Variants in ARFGEF3 observed in about 807,000 individuals in gnomAD.
ARFGEF3 encodes the protein ARFGEF family member 3, also known as brefeldin A-inhibited guanine nucleotide-exchange protein 3.
A neutral mutation model predicts 221.7 loss-of-function variants in ARFGEF3; 96 were observed. The observed-to-expected ratio is 0.43, with a 90% CI of 0.37 to 0.51. The LOEUF (loss-of-function observed/expected upper bound fraction) is 0.51. ARFGEF3 is among the 20% of genes least tolerant of loss of function. The pLI, the probability that ARFGEF3 is intolerant of heterozygous loss-of-function variation, is 0.00. For missense variants in ARFGEF3, 2,410 were observed against 2,789.9 expected (o/e 0.86, Z 3.07); for synonymous variants, 1,145 against 1,126.8 (o/e 1.02, Z -0.32).
chr6:138,266,334 G>A (rs1045095972), intron 12 of ARFGEF3, among the ~76,000 whole-genome samples: 17 of 151,838 alleles, frequency 1.1e-4, no homozygotes, highest in African/African-American at 4.1e-4. Context: ...AGAGAAAGAA[G>A]GGAAGGCAGA....
chr6:138,336,602 G>C lies in ARFGEF3; in HGVS notation c.*116G>C. The stretch of plus-strand genomic sequence containing the variant: ...CACTTAAACTACTACTACTGTCTCA[G>C]AGAACAGTGTTTCCTAATGTAAAAA... On this transcript the variant is annotated 3_prime_UTR_variant, in exon 34 of 34. Transcript: ENST00000251691. 1 of 801,344 alleles carries C rather than the reference G, an allele frequency of 1.2e-6. No individual in the cohort carries two copies. Among genetic ancestry groups the C allele is most frequent in the Non-Finnish European group, 1.9e-6 (1 of 526,502 alleles). 49.6% of individuals were successfully genotyped at this position (801,344 alleles called of 1,614,324 possible).
chr6:138,324,150 A>G lies in ARFGEF3; in HGVS notation c.4997A>G (p.Gln1666Arg), dbSNP rs1214301335. ...AEYWRIRAMA[Q>R]QVFMLDTQCS... ...TACTGGCGCATCCGAGCCATGGCCC[A>G]GCAGGTAAGGGCAGGGGCTTTTGAT... Residue 1666 changes from glutamine to arginine, a missense_variant, in exon 31 of 34, where the codon CAG (glutamine) becomes CGG (arginine). Physicochemically the swap from Gln to Arg is conservative, Grantham distance 43. Transcript: ENST00000251691. 4.3e-6 allele frequency: 7 copies of G among 1,613,222 alleles called. No individual in the cohort carries two copies. The highest frequency in any genetic ancestry group is 5.9e-6 in the Non-Finnish European group (7 of 1,179,534).
intron 12 of ARFGEF3, among the ~76,000 whole-genome samples, chr6:138,268,949 G>A (rs1778945102): frequency 6.6e-6 from 1 of 152,220 alleles, no homozygotes; most frequent in African/African-American, 2.4e-5. Context: ...CCCTCAGCCT[G>A]CCTAGCAGGG....
Position 138,194,989 on chromosome 6 carries a change from A to ATTTTTTTTTTTTTTTTT in ARFGEF3, c.138-12038_138-12022dup, listed in dbSNP as rs747099029. On this transcript the variant is annotated intron_variant, in intron 2 of 33. Coordinates refer to ENST00000251691, the MANE Select transcript of ARFGEF3 (RefSeq NM_020340.5). ...TCAAACTAACTTCACCTTTTCCCTA[A>ATTTTTTTTTTTTTTTTT]TTTTTTTTTTTTTTTTTTTTTTTTT... Among the ~76,000 whole-genome samples the ATTTTTTTTTTTTTTTTT allele has an allele frequency of 1.3e-4, 11 of 84,130 alleles. 2 individuals are homozygous for ATTTTTTTTTTTTTTTTT. Among genetic ancestry groups the ATTTTTTTTTTTTTTTTT allele is most frequent in the Non-Finnish European group, 1.5e-4 (7 of 46,522 alleles). The allele number at this position is 84,130 out of a possible 152,430, so 55.2% of individuals were successfully genotyped here.
At position 138,334,824 on chromosome 6, in the gene ARFGEF3, A is replaced by T. The variant is rs759971641; in HGVS notation, c.5978A>T (p.Lys1993Ile). 1.9e-6 allele frequency: 3 copies of T among 1,601,224 alleles called. No homozygotes were observed. The highest frequency in any genetic ancestry group is 1.7e-5 in the Admixed American group (1 of 57,854). ...GGDLLLPPSP[K>I]VEKKDPSRKK... ...GACCTGCTGCTGCCCCCCAGCCCCA[A>T]AGTGGAGAAGAAGGATCCCAGCCGG... is the stretch of plus-strand genomic sequence containing the variant. Residue 1993 changes from lysine to isoleucine, a missense_variant, in exon 33 of 34, where the codon AAA (lysine) becomes ATA (isoleucine). Coordinates refer to ENST00000251691, the MANE Select transcript of ARFGEF3 (RefSeq NM_020340.5). This position sits in a 1 kb window ranked among gnomAD's most constrained non-coding sequence, Gnocchi z 5.1.
chr6:138,271,033 G>A (rs1243612184), intron 12 of ARFGEF3, among the ~76,000 whole-genome samples: 1 of 152,182 alleles, frequency 6.6e-6, no homozygotes, highest in Non-Finnish European at 1.5e-5. Flanking sequence ...TTCAAGGATG[G>A]GTGGAAGATT....
intron 2 of ARFGEF3, among the ~76,000 whole-genome samples, chr6:138,205,820 T>A (rs957676230): frequency 6.6e-6 from 1 of 152,250 alleles, no homozygotes; most frequent in Non-Finnish European, 1.5e-5. Context: ...CCTGATGGTC[T>A]GTTTTTGTAG....
chr6:138,206,271 T>G (rs974211050), intron 2 of ARFGEF3, among the ~76,000 whole-genome samples: 1 of 152,164 alleles, frequency 6.6e-6, no homozygotes, highest in Non-Finnish European at 1.5e-5. Context: ...TCTTTGTAAC[T>G]CTTTAGGTTT....
chr6:138,249,354 C>G (rs1413289582), intron 8 of ARFGEF3, among the ~76,000 whole-genome samples: 2 of 152,092 alleles, frequency 1.3e-5, no homozygotes, highest in Non-Finnish European at 2.9e-5. Flanking sequence ...TTTTTTGAGA[C>G]AGTCTCACTC....
At position 138,334,264 on chromosome 6, in the gene ARFGEF3, C is replaced by T; in HGVS notation, c.5418C>T (p.Leu1806=). 6.2e-7 allele frequency: 1 copy of T among 1,613,664 alleles called. No homozygotes were observed. The highest frequency in any genetic ancestry group is 8.5e-7 in the Non-Finnish European group (1 of 1,179,798). ...KVSGIGGAAN[L]YRQSAMSFNI... is the part of the protein sequence containing the mutation. ...CTGGCATCGGGGGCGCCGCCAACCT[C>T]TACCGCCAGTCTGCGATGAGCTTTA... Residue 1806 remains leucine, a synonymous_variant, in exon 33 of 34, where the codon CTC becomes CTT. Coordinates refer to ENST00000251691, the MANE Select transcript of ARFGEF3 (RefSeq NM_020340.5). The surrounding 1 kb of genome is among the most constrained non-coding windows in gnomAD (Gnocchi z 5.1).
At chr6:138,191,345 A>G (rs549646421) in intron 2 of ARFGEF3, among the ~76,000 whole-genome samples, 2 of 152,322 alleles carry the variant, frequency 1.3e-5, no homozygotes, top group East Asian at 3.9e-4. Flanking sequence ...GAGATAATGT[A>G]TACCAAGTCA....
chr6:138,276,653 G>C (rs193276166), intron 12 of ARFGEF3, among the ~76,000 whole-genome samples: 1 of 151,708 alleles, frequency 6.6e-6, no homozygotes, highest in Non-Finnish European at 1.5e-5. Context: ...ACAATTTAAC[G>C]TGCTTTTTGT....
intron 8 of ARFGEF3, 42 bp from the exon 9 acceptor site, chr6:138,253,838 T>A (rs1778623797): frequency 1.4e-6 from 2 of 1,477,980 alleles, no homozygotes; most frequent in Non-Finnish European, 1.8e-6. Context: ...TAATTTTGCC[T>A]TGTCTTTTGT....
chr6:138,234,482 G>A (rs1257374171), intron 5 of ARFGEF3, among the ~76,000 whole-genome samples: 4 of 151,924 alleles, frequency 2.6e-5, no homozygotes, highest in Admixed American at 2.6e-4. Context: ...CCCCGTGTGT[G>A]TGTGTGTGTG....
chr6:138,295,843 C>T lies in ARFGEF3; in HGVS notation c.3503-967C>T, dbSNP rs144342430. On this transcript the variant is annotated intron_variant, in intron 20 of 33. Transcript: ENST00000251691. ...ACACCTGACCTCATGTGATAGGTCA[C>T]ACTGGAAATGCAGGCATGCAACACA... Among the ~76,000 whole-genome samples the T allele has an allele frequency of 1.7e-3, 253 of 152,310 alleles. 1 individual carries two copies. Among genetic ancestry groups the T allele is most frequent in the African/African-American group, 5.8e-3 (243 of 41,562 alleles).
At chr6:138,323,936 T>C in intron 30 of ARFGEF3, 87 bp from the exon 31 acceptor site, 1 of 1,573,604 alleles carries the variant, frequency 6.4e-7, no homozygotes, top group Non-Finnish European at 8.6e-7. Flanking sequence ...TACTTTTGTC[T>C]CAGACACAGT....
At chr6:138,231,290 G>T (rs1028302908) in intron 5 of ARFGEF3, among the ~76,000 whole-genome samples, 1 of 152,132 alleles carries the variant, frequency 6.6e-6, no homozygotes, top group Non-Finnish European at 1.5e-5. Flanking sequence ...AAACACTGTG[G>T]CCTCTTCCAA....
chr6:138,322,123 G>T (rs1019010403), intron 29 of ARFGEF3, among the ~76,000 whole-genome samples: 12 of 152,164 alleles, frequency 7.9e-5, no homozygotes, highest in African/African-American at 2.7e-4. Context: ...CCTAATGTGG[G>T]TGGGCCTCGT....
chr6:138,248,209 G>C (rs950847223), intron 8 of ARFGEF3, among the ~76,000 whole-genome samples: 3 of 152,150 alleles, frequency 2.0e-5, no homozygotes, highest in African/African-American at 4.8e-5. Flanking sequence ...TTTTAAAAAA[G>C]AAGACCTCTG....
Sources: allele counts gnomAD v4.1 joint callset (sites outside exome capture counted in the v4.1 genomes callset), GRCh38; gene constraint gnomAD v4.1.1; non-coding constraint Gnocchi (gnomAD v3.1); transcripts MANE v1.5; gene names NCBI Gene and HGNC (gene_info 2026-07-23, HGNC 2026-07-21).